The following TSPAN15 variants were observed in gnomAD, a reference collection of about 807,000 sequenced individuals.
TSPAN15 encodes the protein tetraspanin 15, also known as tetraspanin-15.
In TSPAN15, 20 loss-of-function variants were observed where a neutral mutation model predicts 34.5. The observed-to-expected ratio is 0.58, with a 90% CI of 0.41 to 0.84. The LOEUF (loss-of-function observed/expected upper bound fraction) is 0.84, where lower values mean the gene tolerates loss of function less well. Among genes scored for constraint, TSPAN15 ranks in the 40% least tolerant of loss-of-function variants. The pLI, the probability that TSPAN15 is intolerant of heterozygous loss-of-function variation, is 0.00. For synonymous variants in TSPAN15, 155 were observed against 153.9 expected, an observed-to-expected ratio of 1.01 and a Z score of -0.05; for missense variants, 313 against 386.1, an observed-to-expected ratio of 0.81 and a Z score of 1.59.
At chr10:69,489,474 G>A (rs1277168187) in intron 3 of TSPAN15, among the ~76,000 whole-genome samples, 2 of 152,348 alleles carry the variant, frequency 1.3e-5, no homozygotes, top group South Asian at 2.1e-4. Flanking sequence ...AAGAAATTAT[G>A]AAGTATTATT....
At chr10:69,451,814 A>ACT in intron 1 of TSPAN15, 124 bp downstream of exon 1, 1 of 686,922 alleles carries the variant, frequency 1.5e-6, no homozygotes, top group Middle Eastern at 3.0e-4. Flanking sequence ...GCGCGCGCGG[A>ACT]CTCCTTGTCT....
chr10:69,539,526 G>GAAA, the TSPAN15 span, among the ~76,000 whole-genome samples: 5 of 115,268 alleles, frequency 4.3e-5, 1 homozygote, highest in Non-Finnish European at 9.3e-5. Flanking sequence ...AGAAGAAGAA[G>GAAA]AAGAAGAAGA....
At chr10:69,518,344 C>T in the TSPAN15 span, among the ~76,000 whole-genome samples, 1 of 152,182 alleles carries the variant, frequency 6.6e-6, no homozygotes, top group Non-Finnish European at 1.5e-5. Flanking sequence ...GCCTGCCATG[C>T]CCTCCCTCTA....
intron 1 of TSPAN15, among the ~76,000 whole-genome samples, chr10:69,461,910 C>T (rs1841267107): frequency 6.6e-6 from 1 of 150,734 alleles, no homozygotes; most frequent in African/African-American, 2.5e-5. Context: ...ACATGTCCAC[C>T]ACCCCCCCGC....
chr10:69,485,329 C>G, intron 3 of TSPAN15, 114 bp downstream of exon 3: 1 of 883,990 alleles, frequency 1.1e-6, no homozygotes, highest in East Asian at 2.4e-5. Flanking sequence ...ATGGAGCTTT[C>G]ATTCTGCTGA....
the TSPAN15 span, among the ~76,000 whole-genome samples, chr10:69,530,810 CTCTCTCTCTCTATATATATATATATATA>C: frequency 4.4e-5 from 3 of 68,638 alleles, no homozygotes; most frequent in African/African-American, 1.7e-4. Flanking sequence ...CTCTCTCTCT[CTCTCTCTCTCTATATATATATATATATA>C]TATATATATA....
At chr10:69,463,630 T>C (rs1055452408) in intron 1 of TSPAN15, among the ~76,000 whole-genome samples, 1 of 152,004 alleles carries the variant, frequency 6.6e-6, no homozygotes, top group African/African-American at 2.4e-5. Context: ...GCCAACATGG[T>C]GAAACCCCAT....
chr10:69,457,397 A>G (rs1473129867), intron 1 of TSPAN15, among the ~76,000 whole-genome samples: 2 of 152,204 alleles, frequency 1.3e-5, no homozygotes, highest in Admixed American at 6.5e-5. Flanking sequence ...CAAAGTGGGC[A>G]GGGCTGATCA....
At chr10:69,500,642 A>C (rs896982848) in intron 5 of TSPAN15, among the ~76,000 whole-genome samples, 11 of 152,124 alleles carry the variant, frequency 7.2e-5, no homozygotes, top group Admixed American at 6.6e-4. Flanking sequence ...CACTGAGGAG[A>C]GGGCAGTCTT....
the TSPAN15 span, among the ~76,000 whole-genome samples, chr10:69,527,595 C>CA: frequency 0.5 from 68,636 of 136,504 alleles, 19,462 homozygotes; most frequent in African/African-American, 0.6. Context: ...AATTCCATCT[C>CA]AAAAAAAAAA....
chr10:69,487,311 C>T (rs554892365), intron 3 of TSPAN15, among the ~76,000 whole-genome samples: 12 of 152,132 alleles, frequency 7.9e-5, no homozygotes, highest in African/African-American at 1.4e-4. Flanking sequence ...AGAATTCCCC[C>T]GAGAGCACAC....
intron 3 of TSPAN15, among the ~76,000 whole-genome samples, chr10:69,488,857 C>T (rs1252823171): frequency 1.3e-5 from 2 of 152,124 alleles, no homozygotes; most frequent in Non-Finnish European, 1.5e-5. Context: ...AGGGCAAAAG[C>T]AAAGATCACA....
the TSPAN15 span, among the ~76,000 whole-genome samples, chr10:69,523,911 C>G: frequency 6.8e-6 from 1 of 147,414 alleles, no homozygotes; most frequent in Non-Finnish European, 1.5e-5. Flanking sequence ...TACTTTTAGA[C>G]TTGTCAAAGG....
At chr10:69,541,192 T>C in the TSPAN15 span, among the ~76,000 whole-genome samples, 359 of 152,186 alleles carry the variant, frequency 2.4e-3, 1 homozygote, top group African/African-American at 8.0e-3. Context: ...GGGCAGTTCA[T>C]ACTGGAGAGA....
chr10:69,533,466 G>A, the TSPAN15 span, among the ~76,000 whole-genome samples: 19 of 152,292 alleles, frequency 1.2e-4, no homozygotes, highest in Non-Finnish European at 2.4e-4. Context: ...GCCAAGCTAT[G>A]AGGACACAAA....
the TSPAN15 span, among the ~76,000 whole-genome samples, chr10:69,544,779 C>T: frequency 1.3e-5 from 2 of 152,132 alleles, no homozygotes; most frequent in African/African-American, 4.8e-5. Context: ...GTTCCAGGGC[C>T]ACAAGCGTGT....
chr10:69,526,217 AGAG>A, the TSPAN15 span, among the ~76,000 whole-genome samples: 7 of 147,908 alleles, frequency 4.7e-5, 1 homozygote, highest in South Asian at 2.1e-4. Context: ...TGAAAAAACT[AGAG>A]GAGTGAATCA....
chr10:69,478,094 C>T (rs374019743), intron 1 of TSPAN15, among the ~76,000 whole-genome samples: 7 of 152,148 alleles, frequency 4.6e-5, no homozygotes, highest in African/African-American at 1.7e-4. Flanking sequence ...CTGCTGCTCC[C>T]GCCAGCACCC....
rs568671566 is a variant in TSPAN15 at position 69,483,209 on chromosome 10, C to T, written c.97-482C>T. Among the ~76,000 whole-genome samples, 10 of 152,234 alleles carry T rather than the reference C, an allele frequency of 6.6e-5. No individual in the cohort carries two copies. The South Asian group carries it at 8.3e-4, about 13-fold the overall frequency. On this transcript the variant is annotated intron_variant, in intron 1 of 7. Transcript: ENST00000373290. ...TTCACAGTGTTAGCCATGATGGTCT[C>T]GATCTCCTGGCCTCGTGATCTGCCC...
Sources: gnomAD v4.1 joint callset for allele counts (sites outside exome capture counted in the v4.1 genomes callset) on GRCh38, gnomAD v4.1.1 for gene constraint, MANE v1.5 for transcripts, NCBI Gene and HGNC (gene_info 2026-07-23, HGNC 2026-07-21) for gene names.